Variants in ACVR1C observed in about 807,000 individuals in gnomAD.
The protein encoded by ACVR1C is activin receptor type-1C.
ACVR1C carries 23 observed loss-of-function variants against 57.9 expected under a neutral mutation model. That is an observed-to-expected ratio of 0.40 (90% confidence interval 0.29 to 0.56). The LOEUF is 0.56. Ranked by LOEUF, ACVR1C falls within the 20% of genes least tolerant of loss-of-function variation. The pLI is 0.50. For synonymous variants in ACVR1C, 214 were observed against 215.3 expected (o/e 0.99, Z 0.05); for missense variants, 480 against 607.9 (o/e 0.79, Z 2.21).
chr2:157,616,986 T>C (rs1184775491), intron 1 of ACVR1C, among the ~76,000 whole-genome samples: 1 of 152,004 alleles, frequency 6.6e-6, no homozygotes, highest in East Asian at 1.9e-4. Flanking sequence ...TAATTGTTAA[T>C]GGACTAAACA....
At chr2:157,552,989 T>G (rs150233395) in intron 3 of ACVR1C, among the ~76,000 whole-genome samples, 2 of 152,226 alleles carry the variant, frequency 1.3e-5, no homozygotes, top group Admixed American at 6.5e-5. Context: ...CCCAGTTTCT[T>G]GGAAGCCATC....
rs75349715 is a variant in ACVR1C, at chr2:157,542,526, G to C, written c.1100+180C>G. Among the ~76,000 whole-genome samples, 7,700 of 152,254 alleles carry C rather than the reference G, an allele frequency of 0.051. 288 individuals carry two copies. The highest frequency in any genetic ancestry group is 0.08 in the Non-Finnish European group (5,461 of 68,020). ...GCAATCCATATGGCCCAAAGTGCCA[G>C]CTCTCCTTGCTTTATAACCATTGCA... On this transcript the variant is annotated intron_variant, in intron 6 of 8. Transcript: ENST00000243349.
At chr2:157,542,575 G>A (rs925354254) in intron 6 of ACVR1C, 131 bp downstream of exon 6, 1 of 1,105,630 alleles carries the variant, frequency 9.0e-7, no homozygotes, top group Non-Finnish European at 1.3e-6. Context: ...CAGTGACCCA[G>A]AGAAGACTTC....
intron 2 of ACVR1C, among the ~76,000 whole-genome samples, chr2:157,578,369 A>G (rs1688712912): frequency 6.6e-6 from 1 of 152,194 alleles, no homozygotes; most frequent in African/African-American, 2.4e-5. Flanking sequence ...CCTAGACAGA[A>G]TAAGGTCCTT....
In ACVR1C at chr2:157,531,096, A is replaced by T. The variant is rs1030119097; in HGVS notation, c.*2822T>A. ...TTTTTTTTTTTTTGCTTATAACAAAATGTAAAAGAAATAAATATTACACAA... is the reference window on the plus strand; with the variant it reads ...TTTTTTTTTTTTTGCTTATAACAAATTGTAAAAGAAATAAATATTACACAA... On this transcript the variant is annotated 3_prime_UTR_variant, in exon 9 of 9. Coordinates refer to ENST00000243349, the MANE Select transcript of ACVR1C (RefSeq NM_145259.3). 4 of 151,978 alleles carry T rather than the reference A, an allele frequency of 2.6e-5. No homozygotes were observed. Among genetic ancestry groups the T allele is most frequent in the African/African-American group, 9.7e-5 (4 of 41,422 alleles). 9.4% of individuals were successfully genotyped at this position (151,978 alleles called of 1,614,324 possible).
chr2:157,554,278 A>G (rs1401990980), intron 3 of ACVR1C, among the ~76,000 whole-genome samples: 5 of 136,032 alleles, frequency 3.7e-5, no homozygotes, highest in African/African-American at 1.6e-4. Flanking sequence ...AAAGGAAGGA[A>G]GGAAGAGAGA....
At chr2:157,548,977 A>G (rs1323722021) in intron 4 of ACVR1C, among the ~76,000 whole-genome samples, 1 of 152,240 alleles carries the variant, frequency 6.6e-6, no homozygotes, top group East Asian at 1.9e-4. Context: ...ACAAAGTTGA[A>G]CATTCAGCTA....
At chr2:157,587,680 C>A (rs1162945459) in intron 1 of ACVR1C, among the ~76,000 whole-genome samples, 2 of 151,992 alleles carry the variant, frequency 1.3e-5, no homozygotes, top group African/African-American at 4.8e-5. Context: ...CTCATCCATG[C>A]TCTAAATACC....
chr2:157,587,924 T>TA (rs912526489), intron 1 of ACVR1C, among the ~76,000 whole-genome samples: 1 of 152,054 alleles, frequency 6.6e-6, no homozygotes, highest in African/African-American at 2.4e-5. Context: ...TTTATGTCTC[T>TA]AAAAAAATAG....
chr2:157,560,633 G>C (rs1379925389), intron 2 of ACVR1C, among the ~76,000 whole-genome samples: 1 of 152,188 alleles, frequency 6.6e-6, no homozygotes, highest in Non-Finnish European at 1.5e-5. Context: ...AACTAAGCAA[G>C]TTCTAATCTT....
intron 1 of ACVR1C, among the ~76,000 whole-genome samples, chr2:157,616,065 C>T (rs1682642685): frequency 6.6e-6 from 1 of 152,116 alleles, no homozygotes; most frequent in African/African-American, 2.4e-5. Flanking sequence ...TTCATTATAT[C>T]TGGAAATTAT....
intron 1 of ACVR1C, among the ~76,000 whole-genome samples, chr2:157,618,893 T>C (rs907476994): frequency 6.6e-6 from 1 of 151,172 alleles, no homozygotes; most frequent in Non-Finnish European, 1.5e-5. Flanking sequence ...TATTCAAATA[T>C]AGGAAGCAAC....
chr2:157,589,634 C>G (rs1190297293), intron 1 of ACVR1C, among the ~76,000 whole-genome samples: 3 of 151,760 alleles, frequency 2.0e-5, no homozygotes, highest in Non-Finnish European at 4.4e-5. Flanking sequence ...CAGTGCAATT[C>G]CTATCAAAAT....
At chr2:157,554,971 C>G (rs1260523225) in intron 3 of ACVR1C, among the ~76,000 whole-genome samples, 2 of 151,516 alleles carry the variant, frequency 1.3e-5, no homozygotes, top group Non-Finnish European at 2.9e-5. Context: ...GAAAACTGTC[C>G]CCCCACTCCG....
rs1427306875 is a variant in ACVR1C at position 157,628,623 on chromosome 2, C to T, written c.22G>A (p.Ala8Thr). 1.3e-6 allele frequency: 2 copies of T among 1,595,030 alleles called. No homozygotes were observed. The highest frequency in any genetic ancestry group is 1.7e-6 in the Non-Finnish European group (2 of 1,171,944). Residue 8 changes from alanine to threonine, a missense_variant, in exon 1 of 9, where the codon GCG (alanine) becomes ACG (threonine). Ala to Thr is a moderately conservative substitution (Grantham distance 58). Coordinates refer to ENST00000243349, the MANE Select transcript of ACVR1C (RefSeq NM_145259.3). ...AGCAGCAGGAGAGCCTGGCGGAGCG[C>T]TGAGCAGAGCGCCCGGGTCATCGCC... MTRALCS[A>T]LRQALLLLAA...
At position 157,556,225 on chromosome 2, in the gene ACVR1C, C is replaced by T. The variant is rs752350098; in HGVS notation, c.412G>A (p.Gly138Ser). 7.4e-6 allele frequency: 12 copies of T among 1,613,902 alleles called. No individual in the cohort carries two copies. The highest frequency in any genetic ancestry group is 1.3e-5 in the African/African-American group (1 of 74,876). Residue 138 changes from glycine to serine, a missense_variant, in exon 3 of 9, where the codon GGT becomes AGT. Transcript: ENST00000243349. The stretch of plus-strand genomic sequence containing the variant: ...TTCTTCCTGTAGGAGCACTGTCGAC[C>T]CTGGCATGCCCATACTGTCAGCATC... Reference protein sequence around the residue: ...AAMLTVWACQGRQCSYRKKKR... With the variant: ...AAMLTVWACQSRQCSYRKKKR...
chr2:157,613,124 G>A (rs901428195), intron 1 of ACVR1C, among the ~76,000 whole-genome samples: 1 of 152,204 alleles, frequency 6.6e-6, no homozygotes, highest in Non-Finnish European at 1.5e-5. Flanking sequence ...GCAATAGGAA[G>A]CCCCTCTGGG....
Position 157,587,323 on chromosome 2 carries a change from T to C in ACVR1C, c.168A>G (p.Lys56=). The stretch of plus-strand genomic sequence containing the variant: ...AGACACAGGATTTGATCACCTGCTC[T>C]TTTCCATTGGTTAGCATGACTGATG... The part of the protein sequence containing the change: ...CWASVMLTNG[K]EQVIKSCVSL... The change falls in exon 2 of 9, where the codon AAA becomes AAG. Residue 56 remains lysine, a synonymous_variant. Transcript: ENST00000243349. The C allele has an allele frequency of 6.2e-7, 1 of 1,613,708 alleles. No homozygotes were observed. The highest frequency in any genetic ancestry group is 1.1e-5 in the South Asian group (1 of 91,080).
chr2:157,541,256 T>G (rs747685509), intron 6 of ACVR1C, 42 bp from the exon 7 acceptor site: 48 of 1,574,964 alleles, frequency 3.0e-5, no homozygotes, highest in Middle Eastern at 3.4e-4. Flanking sequence ...TATGACTTTA[T>G]AGCAGTCCAG....
Sources: gnomAD v4.1 joint callset for allele counts (sites outside exome capture counted in the v4.1 genomes callset) on GRCh38, gnomAD v4.1.1 for gene constraint, MANE v1.5 for transcripts, NCBI Gene and HGNC (gene_info 2026-07-23, HGNC 2026-07-21) for gene names.